Variants in FAN1 observed in about 807,000 individuals in gnomAD.
FAN1 encodes fanconi-associated nuclease 1.
In FAN1, 91 loss-of-function variants were observed where a neutral mutation model predicts 104.9. That is an observed-to-expected ratio of 0.87 (90% confidence interval 0.73 to 1.03). The LOEUF is 1.03. Among genes scored for constraint, FAN1 ranks in the 50% least tolerant of loss-of-function variants. FAN1 has a pLI of 0.00. For synonymous variants in FAN1, 478 were observed against 457.6 expected, an observed-to-expected ratio of 1.04 and a Z score of -0.57; for missense variants, 1,263 against 1,239.9, an observed-to-expected ratio of 1.02 and a Z score of -0.28.
chr15:30,913,897 A>G lies in FAN1; in HGVS notation c.1617A>G (p.Lys539=). The change falls in exon 5 of 15, where the codon AAA becomes AAG. Residue 539 remains lysine (K), a synonymous_variant. Transcript: ENST00000362065. Reference sequence around the variant, plus strand: ...CTGGACAGTCAGTACGAATCTGTAAAGGCCCCAGGGCTGTGTTTTCCCGCA... The same window carrying G: ...CTGGACAGTCAGTACGAATCTGTAAGGGCCCCAGGGCTGTGTTTTCCCGCA... The part of the protein sequence containing the change: ...ALAGQSVRIC[K]GPRAVFSRIL... 3 of 1,614,118 alleles carry G rather than the reference A, an allele frequency of 1.9e-6. No individual in the cohort carries two copies. Among genetic ancestry groups the G allele is most frequent in the East Asian group, 4.5e-5 (2 of 44,884 alleles).
At chr15:30,925,690 T>A in intron 9 of FAN1, 99 bp from the exon 10 acceptor site, 1 of 1,352,492 alleles carries the variant, frequency 7.4e-7, no homozygotes, top group Admixed American at 1.8e-5. Context: ...AGTGACTGAC[T>A]TTGTGGTAAG....
At chr15:30,940,395 T>C in intron 14 of FAN1, 2 of 985,440 alleles carry the variant, frequency 2.0e-6, no homozygotes, top group Non-Finnish European at 2.4e-6. Flanking sequence ...TGGCAGTGTT[T>C]TGAGAGAATC....
chr15:30,937,213 G>C lies in FAN1; in HGVS notation c.3011G>C (p.Cys1004Ser). 1 of 1,614,138 alleles carries C rather than the reference G, an allele frequency of 6.2e-7. No homozygotes were observed. The highest frequency in any genetic ancestry group is 8.5e-7 in the Non-Finnish European group (1 of 1,180,004). ...AAGCTGGGGGCTGAAGTAGAAGTCT[G>C]CCATGTGGTTGCAGTTGGAGCTAAG... is the stretch of plus-strand genomic sequence containing the variant. ...LQKLGAEVEV[C>S]HVVAVGAKSQ... Residue 1004 changes from cysteine (C) to serine (S), a missense_variant, in exon 14 of 15, where the codon TGC becomes TCC. This residue lies in a region of FAN1 where 581 missense variants were observed against 668.8 expected (regional missense o/e 0.87). Transcript: ENST00000362065.
intron 5 of FAN1, among the ~76,000 whole-genome samples, chr15:30,914,377 G>C (rs1230779705): frequency 2.6e-5 from 4 of 152,044 alleles, no homozygotes; most frequent in Non-Finnish European, 5.9e-5. Flanking sequence ...TTGTTTGTTT[G>C]TTTGTCTTAA....
intron 13 of FAN1, among the ~76,000 whole-genome samples, chr15:30,934,605 C>A (rs942046849): frequency 6.6e-6 from 1 of 152,070 alleles, no homozygotes; most frequent in Non-Finnish European, 1.5e-5. Flanking sequence ...GATCTCAAAT[C>A]CCCAGGCTCA....
chr15:30,914,113 A>G (rs2062152521), intron 5 of FAN1, 22 bp downstream of exon 5: 5 of 1,496,012 alleles, frequency 3.3e-6, no homozygotes, highest in Middle Eastern at 1.7e-4. Flanking sequence ...TTAGCTCACT[A>G]TAATGTCTAT....
chr15:30,942,224 A>G lies in FAN1; in HGVS notation c.*662A>G. On this transcript the variant is annotated 3_prime_UTR_variant, in exon 15 of 15. Transcript: ENST00000362065. ...TCCCTTCCTTTGTGTCCTTATTCTAATCCTCCTCCCCTGGAATTACACTTT... is the reference window on the plus strand; with the variant it reads ...TCCCTTCCTTTGTGTCCTTATTCTAGTCCTCCTCCCCTGGAATTACACTTT... 3 of 952,406 alleles carry G rather than the reference A, an allele frequency of 3.1e-6. No homozygotes were observed. The highest frequency in any genetic ancestry group is 4.7e-6 in the Non-Finnish European group (3 of 640,848). The allele number at this position is 952,406 out of a possible 1,614,324, so 59.0% of individuals were successfully genotyped here.
At chr15:30,926,692 G>T in intron 10 of FAN1, 3 of 985,402 alleles carry the variant, frequency 3.0e-6, no homozygotes, top group African/African-American at 1.7e-5. Context: ...AGAAATAGAA[G>T]AATAGAATGC....
chr15:30,942,796 T>TTGG lies in FAN1; in HGVS notation c.*1235_*1237dup, dbSNP rs2063097485. The TTGG allele has an allele frequency of 7.7e-7, 1 of 1,293,392 alleles. No individual in the cohort carries two copies. The highest frequency in any genetic ancestry group is 1.5e-5 in the African/African-American group (1 of 66,310). The allele number at this position is 1,293,392 out of a possible 1,614,324, so 80.1% of individuals were successfully genotyped here. A position where few individuals can be genotyped will look rare whatever the true frequency, so the allele number is the denominator to read the frequency against. On this transcript the variant is annotated 3_prime_UTR_variant, in exon 15 of 15. Transcript: ENST00000362065. ...GAAACCCGCATTAGCAGTGTTACTC[T>TTGG]TGGAAGTGCCTTTACTTTTAACGCT... is the stretch of plus-strand genomic sequence containing the variant.
intron 4 of FAN1, chr15:30,911,025 A>G (rs756695725): frequency 5.3e-5 from 67 of 1,262,686 alleles, no homozygotes; most frequent in Non-Finnish European, 6.3e-5. Flanking sequence ...AATTTCCAGG[A>G]CCAAGAAAAA....
chr15:30,928,205 C>T (rs2062514444), intron 10 of FAN1: 1 of 1,032,278 alleles, frequency 9.7e-7, no homozygotes, highest in Admixed American at 5.5e-5. Flanking sequence ...TGCTAAGTCC[C>T]AGCCTTGGGA....
In FAN1 at chr15:30,905,732, T is replaced by A; in HGVS notation, c.1069T>A (p.Leu357Met). Residue 357 changes from leucine (L) to methionine (M), a missense_variant, in exon 2 of 15, where the codon TTG (leucine) becomes ATG (methionine). Transcript: ENST00000362065. Reference protein sequence around the residue: ...LNNDIPHSIPLEQGSSCNGPG... With the variant: ...LNNDIPHSIPMEQGSSCNGPG... ...CAATGATATCCCTCACAGCATTCCT[T>A]TGGAGCAGGGGTCAAGCTGCAATGG... 6.2e-7 allele frequency: 1 copy of A among 1,614,142 alleles called. No homozygotes were observed. Among genetic ancestry groups the A allele is most frequent in the Non-Finnish European group, 8.5e-7 (1 of 1,180,016 alleles).
At chr15:30,930,050 T>C (rs1370785064) in intron 12 of FAN1, among the ~76,000 whole-genome samples, 1 of 141,516 alleles carries the variant, frequency 7.1e-6, no homozygotes, top group African/African-American at 2.6e-5. Flanking sequence ...TTATATAAAT[T>C]ATATATATGA....
Position 30,928,533 on chromosome 15 carries a change from T to C in FAN1, c.2489-20T>C. ...GTGTGTGTGTGTGTGTGTGTGTGTG[T>C]GTGTGTGACCTTGTCTTAGGGATTC... On this transcript the variant is annotated intron_variant, in intron 10 of 14. Coordinates refer to ENST00000362065, the MANE Select transcript of FAN1 (RefSeq NM_014967.5). 2 of 1,612,460 alleles carry C rather than the reference T, an allele frequency of 1.2e-6. No homozygotes were observed. Among genetic ancestry groups the C allele is most frequent in the Non-Finnish European group, 1.7e-6 (2 of 1,179,468 alleles).
In FAN1 at chr15:30,940,428, T is replaced by A. The variant is rs575613530; in HGVS notation, c.*4-1138T>A. On this transcript the variant is annotated intron_variant, in intron 14 of 14. Coordinates refer to ENST00000362065, the MANE Select transcript of FAN1 (RefSeq NM_014967.5). ...ATCCATTTTTTTATTTCTCCTCTAT[T>A]CCTAAGCATTAGGAACTATGAGAGA... 4,402 of 985,448 alleles carry A rather than the reference T, an allele frequency of 4.5e-3. 12 individuals are homozygous for A. Among genetic ancestry groups the A allele is most frequent in the Middle Eastern group, 0.015 (29 of 1,914 alleles). The allele number at this position is 985,448 out of a possible 1,614,324, so 61.0% of individuals were successfully genotyped here. A position where few individuals can be genotyped will look rare whatever the true frequency, so the allele number is the denominator to read the frequency against.
chr15:30,929,905 AATAT>A lies in FAN1; in HGVS notation c.2787+512_2787+515del, dbSNP rs1312712501. On this transcript the variant is annotated intron_variant, in intron 12 of 14. Transcript: ENST00000362065. ...AATATATATCATATATAATATATAA[AATAT>A]ATAATATATATCATATATAATATAT... Among the ~76,000 whole-genome samples the A allele has an allele frequency of 9.3e-4, 70 of 75,076 alleles. 3 individuals carry two copies. The highest frequency in any genetic ancestry group is 1.4e-3 in the Non-Finnish European group (63 of 43,688). The allele number at this position is 75,076 out of a possible 152,430, so 49.3% of individuals were successfully genotyped here.
chr15:30,934,417 T>G (rs991221647), intron 13 of FAN1, among the ~76,000 whole-genome samples: 2 of 152,232 alleles, frequency 1.3e-5, no homozygotes, highest in African/African-American at 4.8e-5. Flanking sequence ...ACATTTAATT[T>G]GATTATTGAT....
intron 14 of FAN1, among the ~76,000 whole-genome samples, chr15:30,938,094 G>T (rs1273861575): frequency 2.0e-5 from 3 of 151,986 alleles, no homozygotes; most frequent in African/African-American, 7.2e-5. Context: ...TGAGGCAGGA[G>T]GATGGCGTGA....
Position 30,920,602 on chromosome 15 carries a change from A to G in FAN1, c.2001A>G (p.Thr667=). The change falls in exon 7 of 15, where the codon ACA becomes ACG. Residue 667 remains threonine (T), a synonymous_variant. Coordinates refer to ENST00000362065, the MANE Select transcript of FAN1 (RefSeq NM_014967.5). ...LRCFTVGWIY[T]RILSRFVEIL... ...GTTTCACTGTTGGGTGGATTTATAC[A>G]AGGATTTTGTCTCGGTTTGTGGAAA... 6.2e-7 allele frequency: 1 copy of G among 1,612,106 alleles called. No homozygotes were observed. The highest frequency in any genetic ancestry group is 8.5e-7 in the Non-Finnish European group (1 of 1,179,258).
Sources: gnomAD v4.1 joint callset for allele counts (sites outside exome capture counted in the v4.1 genomes callset) on GRCh38, gnomAD v4.1.1 for gene constraint, gnomAD v4.1.1 regional missense constraint, MANE v1.5 for transcripts, NCBI Gene and HGNC (gene_info 2026-07-23, HGNC 2026-07-21) for gene names.